Variants in HIBADH observed in about 807,000 individuals in gnomAD.
HIBADH encodes 3-hydroxyisobutyrate dehydrogenase, also known as 3-hydroxyisobutyrate dehydrogenase, mitochondrial.
In HIBADH, 25 loss-of-function variants were observed where a neutral mutation model predicts 36.1. That is an observed-to-expected ratio of 0.69 (90% confidence interval 0.50 to 0.97). The LOEUF is 0.97. HIBADH is among the 50% of genes least tolerant of loss of function. The probability of loss-of-function intolerance (pLI) is 0.00; values close to 1 mark genes in which losing one functional copy is unlikely to be tolerated. For synonymous variants in HIBADH, 160 were observed against 149.5 expected, an observed-to-expected ratio of 1.07 and a Z score of -0.51; for missense variants, 421 against 418.0, an observed-to-expected ratio of 1.01 and a Z score of -0.06.
intron 2 of HIBADH, among the ~76,000 whole-genome samples, chr7:27,640,219 CTCT>C (rs1351871920): frequency 6.6e-6 from 1 of 152,066 alleles, no homozygotes; most frequent in Non-Finnish European, 1.5e-5. Flanking sequence ...TAGGAACTGC[CTCT>C]TCTTTTTTCC....
At chr7:27,545,359 A>T (rs556201564) in intron 4 of HIBADH, among the ~76,000 whole-genome samples, 1 of 152,250 alleles carries the variant, frequency 6.6e-6, no homozygotes, top group South Asian at 2.1e-4. Flanking sequence ...GATTGCTTGA[A>T]CCCAGAAGGT....
intron 4 of HIBADH, among the ~76,000 whole-genome samples, chr7:27,558,017 A>G (rs930624102): frequency 1.3e-5 from 2 of 152,110 alleles, no homozygotes; most frequent in Non-Finnish European, 2.9e-5. Flanking sequence ...ATTTTTTTCT[A>G]GAAAATCACC....
chr7:27,632,701 G>A (rs942553832), intron 2 of HIBADH, among the ~76,000 whole-genome samples: 1 of 151,990 alleles, frequency 6.6e-6, no homozygotes, highest in Non-Finnish European at 1.5e-5. Context: ...GGAGTTGAGG[G>A]TAAAAGGGCA....
At chr7:27,639,891 A>G (rs1400024156) in intron 2 of HIBADH, among the ~76,000 whole-genome samples, 1 of 152,200 alleles carries the variant, frequency 6.6e-6, no homozygotes, top group Non-Finnish European at 1.5e-5. Flanking sequence ...TAAACTTATC[A>G]AAGTTTTTAT....
intron 4 of HIBADH, among the ~76,000 whole-genome samples, chr7:27,565,229 A>G (rs1023729013): frequency 6.6e-6 from 1 of 152,150 alleles, no homozygotes; most frequent in African/African-American, 2.4e-5. Context: ...AAGCCTGCTT[A>G]CCCTGCCTCA....
intron 2 of HIBADH, 88 bp downstream of exon 2, chr7:27,649,385 G>T: frequency 2.0e-6 from 2 of 990,036 alleles, no homozygotes; most frequent in South Asian, 2.0e-5. Context: ...ACTCCATTGG[G>T]TATACTTCTA....
intron 4 of HIBADH, among the ~76,000 whole-genome samples, chr7:27,626,698 TA>T (rs1785654728): frequency 6.6e-6 from 1 of 152,214 alleles, no homozygotes; most frequent in South Asian, 2.1e-4. Flanking sequence ...CTGAGTTTTT[TA>T]AAAAAACTTC....
At chr7:27,662,664 G>C in intron 1 of HIBADH, 34 bp downstream of exon 1, 1 of 1,238,732 alleles carries the variant, frequency 8.1e-7, no homozygotes, top group Non-Finnish European at 1.0e-6. Context: ...GCGGCCGAAA[G>C]AAGGACAAGG....
chr7:27,619,200 G>A (rs527796877), intron 4 of HIBADH, among the ~76,000 whole-genome samples: 1 of 152,222 alleles, frequency 6.6e-6, no homozygotes, highest in East Asian at 1.9e-4. Context: ...TACCAGAAAA[G>A]CTATTTACAG....
At chr7:27,620,443 T>C (rs958814247) in intron 4 of HIBADH, among the ~76,000 whole-genome samples, 2 of 151,390 alleles carry the variant, frequency 1.3e-5, no homozygotes, top group Non-Finnish European at 2.9e-5. Context: ...CAGAAGAGAA[T>C]AGGATGATAT....
At position 27,526,124 on chromosome 7, in the gene HIBADH, T is replaced by G; in HGVS notation, c.*90A>C. ...CAATCAAAAGCAGATAGGTGACCTTTGATTAAATCCATTTACTTGTGGAGT... is the reference window on the plus strand; with the variant it reads ...CAATCAAAAGCAGATAGGTGACCTTGGATTAAATCCATTTACTTGTGGAGT... On this transcript the variant is annotated 3_prime_UTR_variant, in exon 8 of 8. Transcript: ENST00000265395. 4 of 1,135,326 alleles carry G rather than the reference T, an allele frequency of 3.5e-6. No individual in the cohort carries two copies. Among genetic ancestry groups the G allele is most frequent in the Non-Finnish European group, 4.8e-6 (4 of 835,032 alleles). The allele number at this position is 1,135,326 out of a possible 1,614,324, so 70.3% of individuals were successfully genotyped here. A position where few individuals can be genotyped will look rare whatever the true frequency, so the allele number is the denominator to read the frequency against.
At position 27,579,974 on chromosome 7, in the gene HIBADH, C is replaced by T. The variant is rs540652083; in HGVS notation, c.485-36874G>A. Among the ~76,000 whole-genome samples the T allele has an allele frequency of 7.2e-5, 11 of 151,772 alleles. No homozygotes were observed. The South Asian group carries it at 2.3e-3, about 32-fold the overall frequency. On this transcript the variant is annotated intron_variant, in intron 4 of 7. Transcript: ENST00000265395. ...CATAGTACTTGCTCCCATACAAAAA[C>T]CGCACTGCATGTATTTCAAAATACA...
chr7:27,526,397 A>G, intron 7 of HIBADH, 25 bp from the exon 8 acceptor site: 2 of 1,588,262 alleles, frequency 1.3e-6, no homozygotes. Context: ...AGGAGAGAAC[A>G]CGCTGAGACT....
intron 4 of HIBADH, among the ~76,000 whole-genome samples, chr7:27,614,416 C>A: frequency 6.6e-6 from 1 of 152,086 alleles, no homozygotes; most frequent in East Asian, 1.9e-4. Flanking sequence ...AGATGAATAA[C>A]CGCAAGAAGG....
At chr7:27,562,017 TATAA>T (rs1784475245) in intron 4 of HIBADH, among the ~76,000 whole-genome samples, 2 of 152,088 alleles carry the variant, frequency 1.3e-5, no homozygotes, top group Admixed American at 6.5e-5. Flanking sequence ...GTGTGTGTCT[TATAA>T]ATAAGATTCA....
chr7:27,626,624 A>T lies in HIBADH; in HGVS notation c.484+2747T>A, dbSNP rs185549864. ...CCCAGAATAATACTTACCAGGAAGT[A>T]GGGGGAAACGCTTGACTGAAGAAAC... is the stretch of plus-strand genomic sequence containing the variant. On this transcript the variant is annotated intron_variant, in intron 4 of 7. Coordinates refer to ENST00000265395, the MANE Select transcript of HIBADH (RefSeq NM_152740.4). 7.9e-5 allele frequency among the ~76,000 whole-genome samples: 12 copies of T among 152,288 alleles called. No individual in the cohort carries two copies. The East Asian group carries it at 2.1e-3, about 27-fold the overall frequency.
intron 4 of HIBADH, among the ~76,000 whole-genome samples, chr7:27,585,942 C>T (rs944034852): frequency 6.6e-6 from 1 of 152,122 alleles, no homozygotes; most frequent in Non-Finnish European, 1.5e-5. Flanking sequence ...GAAAGCTGGC[C>T]TTCTTCCATG....
intron 4 of HIBADH, among the ~76,000 whole-genome samples, chr7:27,620,931 C>T (rs1400934960): frequency 6.6e-6 from 1 of 151,280 alleles, no homozygotes; most frequent in Non-Finnish European, 1.5e-5. Flanking sequence ...TTAAAAGATA[C>T]ATAAAGGTTG....
intron 4 of HIBADH, among the ~76,000 whole-genome samples, chr7:27,560,177 A>G (rs927179385): frequency 2.6e-5 from 4 of 152,220 alleles, no homozygotes; most frequent in South Asian, 2.1e-4. Flanking sequence ...GCTGGAGTGC[A>G]GTGGTGAGAT....
Sources: gnomAD v4.1 joint callset for allele counts (sites outside exome capture counted in the v4.1 genomes callset) on GRCh38, gnomAD v4.1.1 for gene constraint, MANE v1.5 for transcripts, NCBI Gene and HGNC (gene_info 2026-07-23, HGNC 2026-07-21) for gene names.